Variants in PLXNA1 observed in about 807,000 individuals in gnomAD.
PLXNA1 encodes plexin-A1.
Under a neutral mutation model 191.7 loss-of-function variants are expected in PLXNA1, and 77 were observed. The ratio of observed to expected loss-of-function variants is 0.40; its 90% confidence interval spans 0.33 to 0.49. PLXNA1 has a LOEUF of 0.49. PLXNA1 is among the 20% of genes least tolerant of loss of function. The pLI is 0.63. For missense variants in PLXNA1, 2,110 were observed against 2,660.2 expected, an observed-to-expected ratio of 0.79 and a Z score of 4.55; for synonymous variants, 1,137 against 1,156.4, an observed-to-expected ratio of 0.98 and a Z score of 0.34.
At chr3:127,022,058 T>C in intron 21 of PLXNA1, 27 bp from the exon 22 acceptor site, 2 of 1,599,420 alleles carry the variant, frequency 1.3e-6, no homozygotes, top group Non-Finnish European at 1.7e-6. Context: ...TGCTTCTCTG[T>C]GGTCTGAGCT....
intron 15 of PLXNA1, among the ~76,000 whole-genome samples, 191 bp downstream of exon 15, chr3:127,015,511 C>T (rs1292243878): frequency 6.6e-6 from 1 of 152,058 alleles, no homozygotes; most frequent in African/African-American, 2.4e-5. Context: ...CGGTGATGGG[C>T]GTGGGGCCTG....
At chr3:126,986,245 T>C (rs947457341) in intron 1 of PLXNA1, among the ~76,000 whole-genome samples, 1 of 152,234 alleles carries the variant, frequency 6.6e-6, no homozygotes, top group Non-Finnish European at 1.5e-5. Context: ...CCACTGCCAC[T>C]GTGAGGAGCC....
At chr3:126,983,772 C>T (rs1423481785) in intron 1 of PLXNA1, among the ~76,000 whole-genome samples, 2 of 151,994 alleles carry the variant, frequency 1.3e-5, no homozygotes, top group Admixed American at 1.3e-4. Flanking sequence ...TCGGCTCAGA[C>T]CTCTGGCCGC....
chr3:127,005,579 A>G (rs2079063121), intron 7 of PLXNA1, among the ~76,000 whole-genome samples: 2 of 152,200 alleles, frequency 1.3e-5, no homozygotes, highest in Admixed American at 1.3e-4. Context: ...TGCCATCCCT[A>G]CTGGCATTAA....
chr3:126,989,827 C>T (rs1194128829), intron 2 of PLXNA1, 40 bp downstream of exon 2: 1 of 1,519,522 alleles, frequency 6.6e-7, no homozygotes, highest in East Asian at 2.3e-5. Flanking sequence ...GCGGCCCCAT[C>T]CCCTCCAGGG....
At position 127,005,232 on chromosome 3, in the gene PLXNA1, C is replaced by T. The variant is rs574788327; in HGVS notation, c.1886C>T (p.Thr629Met). Residue 629 changes from threonine to methionine, a missense_variant, in exon 7 of 32, where the codon ACG (threonine) becomes ATG (methionine). Transcript: ENST00000393409. ...SPSAREVAPI[T>M]RGQGDQRVVK... Reference sequence around the variant, plus strand: ...TCCGCCCGGGAGGTGGCGCCCATCACGCGGGGCCAGGGTGAGTGGCCCCAA... The same window carrying T: ...TCCGCCCGGGAGGTGGCGCCCATCATGCGGGGCCAGGGTGAGTGGCCCCAA... 2.1e-5 allele frequency: 34 copies of T among 1,607,380 alleles called. No individual in the cohort carries two copies. Among genetic ancestry groups the T allele is most frequent in the South Asian group, 1.7e-4 (15 of 90,154 alleles).
intron 1 of PLXNA1, among the ~76,000 whole-genome samples, chr3:126,986,054 G>A (rs1395871769): frequency 6.6e-6 from 1 of 152,220 alleles, no homozygotes; most frequent in African/African-American, 2.4e-5. Context: ...TGGCTTCTTA[G>A]CCTGGTCCCT....
At chr3:127,000,470 T>A (rs1439386823) in intron 3 of PLXNA1, among the ~76,000 whole-genome samples, 1 of 152,104 alleles carries the variant, frequency 6.6e-6, no homozygotes, top group Non-Finnish European at 1.5e-5. Flanking sequence ...TGCCACCCGC[T>A]CTGGCCCCAG....
chr3:127,022,263 G>C lies in PLXNA1; in HGVS notation c.4217G>C (p.Gly1406Ala), dbSNP rs761581162. ...ALQGEMEYAT[G>A]VLKQLLSDLI... ...CAGGGCGAGATGGAATACGCCACAG[G>C]CGTGCTCAAGCAGCTGCTTTCCGAC... The change falls in exon 22 of 32, where the codon GGC (glycine) becomes GCC (alanine). Residue 1406 changes from glycine to alanine, a missense_variant. By Grantham distance (60) the Gly-to-Ala change is moderately conservative. Coordinates refer to ENST00000393409, the MANE Select transcript of PLXNA1 (RefSeq NM_032242.4). The C allele has an allele frequency of 1.2e-6, 2 of 1,613,546 alleles. No individual in the cohort carries two copies. The highest frequency in any genetic ancestry group is 1.7e-6 in the Non-Finnish European group (2 of 1,179,968).
intron 23 of PLXNA1, among the ~76,000 whole-genome samples, chr3:127,025,919 T>G (rs2079174420): frequency 6.6e-6 from 1 of 152,226 alleles, no homozygotes; most frequent in Non-Finnish European, 1.5e-5. Flanking sequence ...CTTGCTGTCT[T>G]TAGAAACAAA....
rs748740083 is a variant in PLXNA1 at position 126,991,471 on chromosome 3, G to A, written c.1282G>A (p.Val428Met). 91 of 1,612,662 alleles carry A rather than the reference G, an allele frequency of 5.6e-5. No individual in the cohort carries two copies. Among genetic ancestry groups the A allele is most frequent in the Non-Finnish European group, 7.3e-5 (86 of 1,179,830 alleles). ...TVTIEGTPLFVDKDDGLTAVA... is the reference protein window; with the variant it reads ...TVTIEGTPLFMDKDDGLTAVA... ...CACCATTGAGGGGACGCCCCTGTTCGTGGACAAGGATGATGGCCTGACCGC... is the reference window on the plus strand; with the variant it reads ...CACCATTGAGGGGACGCCCCTGTTCATGGACAAGGATGATGGCCTGACCGC... The change falls in exon 3 of 32, where the codon GTG becomes ATG. Residue 428 changes from valine to methionine, a missense_variant. Around this residue, in one of 4 missense-constraint regions of PLXNA1, gnomAD observed 903 missense variants for 1,015.7 expected, o/e 0.89. Transcript: ENST00000393409.
At chr3:126,996,840 G>A (rs751483055) in intron 3 of PLXNA1, among the ~76,000 whole-genome samples, 60 of 152,226 alleles carry the variant, frequency 3.9e-4, no homozygotes, top group Non-Finnish European at 1.2e-4. Context: ...TGCACCTGCA[G>A]CATGCAGCCC....
At chr3:127,011,509 C>T (rs902504426) in intron 9 of PLXNA1, among the ~76,000 whole-genome samples, 3 of 152,236 alleles carry the variant, frequency 2.0e-5, no homozygotes, top group African/African-American at 7.2e-5. Flanking sequence ...CAGCAGCAGC[C>T]ATGCTGCAAG....
At chr3:127,013,619 C>T (rs770259780) in intron 10 of PLXNA1, among the ~76,000 whole-genome samples, 1 of 152,234 alleles carries the variant, frequency 6.6e-6, no homozygotes, top group Non-Finnish European at 1.5e-5. Context: ...CACCTCAAGG[C>T]AGGGCAGTCC....
In PLXNA1 at chr3:127,034,272, T is replaced by C. The variant is rs1461259566; in HGVS notation, c.*255T>C. The C allele has an allele frequency of 2.3e-6, 1 of 430,604 alleles. No individual in the cohort carries two copies. The highest frequency in any genetic ancestry group is 2.0e-5 in the African/African-American group (1 of 50,770). 26.7% of individuals were successfully genotyped at this position (430,604 alleles called of 1,614,324 possible). On this transcript the variant is annotated 3_prime_UTR_variant, in exon 32 of 32. Coordinates refer to ENST00000393409, the MANE Select transcript of PLXNA1 (RefSeq NM_032242.4). ...CCGGGACAGCACTGGGTGCTCAGGC[T>C]GGCCAAGGACCTTCATTGCCTGGCA...
At chr3:126,984,675 G>A (rs982675422) in intron 1 of PLXNA1, among the ~76,000 whole-genome samples, 3 of 152,190 alleles carry the variant, frequency 2.0e-5, no homozygotes, top group African/African-American at 4.8e-5. Context: ...CAGCATGGGC[G>A]GAGGCCTGGG....
At chr3:127,023,164 T>C (rs973769152) in intron 23 of PLXNA1, among the ~76,000 whole-genome samples, 1 of 152,112 alleles carries the variant, frequency 6.6e-6, no homozygotes, top group Admixed American at 6.5e-5. Context: ...GCCTGAAGGC[T>C]CCAGTCCACC....
Position 127,037,191 on chromosome 3 carries a change from C to T in PLXNA1, c.*3174C>T, listed in dbSNP as rs914832462. ...GCTGTCCTTTAACACCGCAGAACCC[C>T]CTCCCAGAAGAAGAGCGATCCCTCG... On this transcript the variant is annotated 3_prime_UTR_variant, in exon 32 of 32. Transcript: ENST00000393409. The T allele has an allele frequency of 6.6e-6, 1 of 152,654 alleles. No individual in the cohort carries two copies. The highest frequency in any genetic ancestry group is 2.4e-5 in the African/African-American group (1 of 41,458). 9.5% of individuals were successfully genotyped at this position (152,654 alleles called of 1,614,324 possible).
chr3:126,989,499 C>A lies in PLXNA1; in HGVS notation c.906C>A (p.Cys302Ter). 6.2e-7 allele frequency: 1 copy of A among 1,613,626 alleles called. No individual in the cohort carries two copies. The highest frequency in any genetic ancestry group is 1.1e-5 in the South Asian group (1 of 91,086). The part of the protein sequence containing the change: ...FYSYVEFPIG[C>*]EQAGVEYRLV... ...CGTACGTTGAGTTCCCCATTGGCTG[C>A]GAGCAGGCGGGTGTGGAGTACCGCC... Residue 302 changes from cysteine (C) to a stop codon, truncating the protein, a stop_gained, in exon 2 of 32, where the codon TGC becomes TGA. Coordinates refer to ENST00000393409, the MANE Select transcript of PLXNA1 (RefSeq NM_032242.4). LOFTEE classifies it high-confidence loss of function.
Sources: gnomAD v4.1 joint callset for allele counts (sites outside exome capture counted in the v4.1 genomes callset) on GRCh38, gnomAD v4.1.1 for gene constraint, gnomAD v4.1.1 regional missense constraint, MANE v1.5 for transcripts, NCBI Gene and HGNC (gene_info 2026-07-23, HGNC 2026-07-21) for gene names.